STARD9: variants seen among roughly 807,000 people sequenced by gnomAD.
STARD9 encodes StAR related lipid transfer domain containing 9, also known as stAR-related lipid transfer protein 9.
Under a neutral mutation model 399.8 loss-of-function variants are expected in STARD9, and 346 were observed. That is an observed-to-expected ratio of 0.87 (90% CI 0.79 to 0.95). The LOEUF is 0.95. Ranked by LOEUF, STARD9 falls within the 40% of genes least tolerant of loss-of-function variation. The probability of loss-of-function intolerance (pLI) is 0.00; values close to 1 mark genes in which losing one functional copy is unlikely to be tolerated. For synonymous variants in STARD9, 2,203 were observed against 2,143.5 expected (o/e 1.03, Z -0.77); for missense variants, 5,832 against 5,667.5 (o/e 1.03, Z -0.93).
chr15:42,683,685 G>A lies in STARD9; in HGVS notation c.2538-431G>A, dbSNP rs1380574227. ...TAGGATTTACACACTGCATTTGTTT[G>A]TTGTTTCTCAGGTTTCTTTTAATCA... On this transcript the variant is annotated intron_variant, in intron 22 of 32. Coordinates refer to ENST00000290607, the MANE Select transcript of STARD9 (RefSeq NM_020759.3). 2.0e-5 allele frequency among the ~76,000 whole-genome samples: 3 copies of A among 152,016 alleles called. No individual in the cohort carries two copies. In the East Asian group the frequency reaches 5.8e-4, roughly 29 times the overall value.
At chr15:42,656,367 AGAT>A (rs1398116227) in intron 9 of STARD9, among the ~76,000 whole-genome samples, 1 of 141,740 alleles carries the variant, frequency 7.1e-6, no homozygotes, top group Non-Finnish European at 1.5e-5. Context: ...AAAAAAAAAA[AGAT>A]GTTGCCGTGG....
In STARD9 at chr15:42,702,362, C is replaced by T. The variant is rs563277362; in HGVS notation, c.13284+6482C>T. Among the ~76,000 whole-genome samples the T allele has an allele frequency of 2.0e-5, 3 of 152,146 alleles. No homozygotes were observed. The South Asian group carries it at 6.2e-4, about 32-fold the overall frequency. On this transcript the variant is annotated intron_variant, in intron 26 of 32. Transcript: ENST00000290607. ...GGGATTACAGGCGCGCACCACCATG[C>T]CTGGCTAATTTTTGTATTTTTAGTA... is the stretch of plus-strand genomic sequence containing the variant.
rs2060426307 is a variant in STARD9 at position 42,681,474 on chromosome 15, G to A, written c.1927G>A (p.Glu643Lys). The change falls in exon 21 of 33, where the codon GAG becomes AAG. Residue 643 changes from glutamate to lysine, a missense_variant. Transcript: ENST00000290607. Reference sequence around the variant, plus strand: ...GGACCATCAGACACCGAGGGATGGAGAGACATCCCACAGGGCCCAGATTCA... The same window carrying A: ...GGACCATCAGACACCGAGGGATGGAAAGACATCCCACAGGGCCCAGATTCA... ...DEDHQTPRDG[E>K]TSHRAQIQQQ... The A allele has an allele frequency of 6.5e-7, 1 of 1,537,104 alleles. No individual in the cohort carries two copies. Among genetic ancestry groups the A allele is most frequent in the Admixed American group, 2.0e-5 (1 of 50,978 alleles).
intron 9 of STARD9, among the ~76,000 whole-genome samples, chr15:42,655,174 C>T (rs887941201): frequency 9.2e-5 from 14 of 151,994 alleles, no homozygotes; most frequent in Admixed American, 6.6e-4. Context: ...CCCAGCTATT[C>T]GGGAGGCTGA....
chr15:42,683,832 T>A (rs1269159230), intron 22 of STARD9, among the ~76,000 whole-genome samples: 1 of 152,148 alleles, frequency 6.6e-6, no homozygotes, highest in South Asian at 2.1e-4. Context: ...TTTAAATTGT[T>A]CCTCTATTCC....
At position 42,664,824 on chromosome 15, in the gene STARD9, A is replaced by C. The variant is rs529923027; in HGVS notation, c.1177-429A>C. 1.2e-3 allele frequency among the ~76,000 whole-genome samples: 177 copies of C among 144,682 alleles called. 2 individuals carry two copies. The highest frequency in any genetic ancestry group is 2.9e-3 in the South Asian group (13 of 4,474). 94.9% of individuals were successfully genotyped at this position (144,682 alleles called of 152,430 possible). A position where few individuals can be genotyped will look rare whatever the true frequency, so the allele number is the denominator to read the frequency against. On this transcript the variant is annotated intron_variant, in intron 13 of 32. Coordinates refer to ENST00000290607, the MANE Select transcript of STARD9 (RefSeq NM_020759.3). ...CACACACACACACACACACACACAC[A>C]CCCCATACGTACACTGTTTTAAAAA...
At chr15:42,575,803 G>C in intron 1 of STARD9, 41 bp downstream of exon 1, 1 of 1,530,960 alleles carries the variant, frequency 6.5e-7, no homozygotes, top group Non-Finnish European at 8.8e-7. Context: ...CTTCACAGGA[G>C]CTGAAAAGAG....
chr15:42,711,397 T>C (rs1475820447), intron 26 of STARD9, among the ~76,000 whole-genome samples: 1 of 152,206 alleles, frequency 6.6e-6, no homozygotes, highest in Non-Finnish European at 1.5e-5. Flanking sequence ...CGCTTCAGCC[T>C]CCCAAAGTGC....
rs985775073 is a variant in STARD9 at position 42,585,557 on chromosome 15, G to C, written c.154G>C (p.Glu52Gln). 3 of 1,537,086 alleles carry C rather than the reference G, an allele frequency of 2.0e-6. No individual in the cohort carries two copies. Among genetic ancestry groups the C allele is most frequent in the African/African-American group, 1.4e-5 (1 of 73,044 alleles). Residue 52 changes from glutamate to glutamine, a missense_variant, in exon 3 of 33, where the codon GAG (glutamate) becomes CAG (glutamine). Around this residue, in one of 2 missense-constraint regions of STARD9, gnomAD observed 5,828 missense variants for 5,651.1 expected, o/e 1.03. Transcript: ENST00000290607. ...ACCAGATGGCTTTGGGGACTCCCGG[G>C]AGAAGGTTATGGCATTTGGCTTTGA... Reference protein sequence around the residue: ...NRPDGFGDSREKVMAFGFDYC... With the variant: ...NRPDGFGDSRQKVMAFGFDYC...
intron 16 of STARD9, chr15:42,671,126 A>ATTTTTTTTT (rs34261486): frequency 2.1e-5 from 2 of 96,046 alleles, no homozygotes; most frequent in Non-Finnish European, 3.8e-5. Context: ...AGGATTGCTG[A>ATTTTTTTTT]TTTTTTTTTT....
Position 42,645,139 on chromosome 15 carries a change from C to T in STARD9, c.560-5877C>T, listed in dbSNP as rs569941620. 4.3e-4 allele frequency among the ~76,000 whole-genome samples: 65 copies of T among 152,318 alleles called. 1 individual carries two copies. In the South Asian group the frequency reaches 7.2e-3, roughly 17 times the overall value. ...CCCCTCAATGTTGATATTTTGAGCT[C>T]CTCTCATGAGTCATGAATGTCCTTA... On this transcript the variant is annotated intron_variant, in intron 7 of 32. Coordinates refer to ENST00000290607, the MANE Select transcript of STARD9 (RefSeq NM_020759.3).
chr15:42,717,270 A>G (rs2061367892), intron 28 of STARD9, among the ~76,000 whole-genome samples: 1 of 152,078 alleles, frequency 6.6e-6, no homozygotes, highest in South Asian at 2.1e-4. Flanking sequence ...GGATCACTTG[A>G]GGTCAGGAGT....
chr15:42,655,142 C>T (rs1225331879), intron 9 of STARD9, among the ~76,000 whole-genome samples: 1 of 152,068 alleles, frequency 6.6e-6, no homozygotes, highest in Admixed American at 6.6e-5. Flanking sequence ...ATTAGCTGGG[C>T]GTGATGGCAG....
intron 3 of STARD9, among the ~76,000 whole-genome samples, chr15:42,600,180 A>C (rs910650537): frequency 6.6e-6 from 1 of 152,198 alleles, no homozygotes; most frequent in Non-Finnish European, 1.5e-5. Context: ...GATGAAGACC[A>C]AACGGTTTCT....
At position 42,693,447 on chromosome 15, in the gene STARD9, G is replaced by A. The variant is rs949530707; in HGVS notation, c.11869G>A (p.Glu3957Lys). 3.3e-6 allele frequency: 5 copies of A among 1,537,114 alleles called. No homozygotes were observed. The highest frequency in any genetic ancestry group is 2.0e-5 in the Admixed American group (1 of 50,986). The part of the protein sequence containing the change: ...PMDNYSQTTD[E>K]LGGSQRGRSS... The stretch of plus-strand genomic sequence containing the variant: ...GGATAATTATTCCCAAACCACTGAC[G>A]AGTTAGGTGGCTCCCAGAGAGGTAG... Residue 3957 changes from glutamate (E) to lysine (K), a missense_variant, in exon 23 of 33, where the codon GAG becomes AAG. By Grantham distance (56) the Glu-to-Lys change is moderately conservative. Around this residue, in one of 2 missense-constraint regions of STARD9, gnomAD observed 5,828 missense variants for 5,651.1 expected, o/e 1.03. Transcript: ENST00000290607.
At position 42,684,693 on chromosome 15, in the gene STARD9, A is replaced by G; in HGVS notation, c.3115A>G (p.Arg1039Gly). ...AGAATACAAACCACCTTCTCCAAGC[A>G]GGGCATCAAAAAGGCATCAGAGGGT... ...WTEYKPPSPS[R>G]ASKRHQRVLA... The change falls in exon 23 of 33, where the codon AGG (arginine) becomes GGG (glycine). Residue 1039 changes from arginine (R) to glycine (G), a missense_variant. This residue lies in a region of STARD9 where 5,828 missense variants were observed against 5,651.1 expected (regional missense o/e 1.03). Coordinates refer to ENST00000290607, the MANE Select transcript of STARD9 (RefSeq NM_020759.3). 6.5e-7 allele frequency: 1 copy of G among 1,537,164 alleles called. No homozygotes were observed. Among genetic ancestry groups the G allele is most frequent in the Non-Finnish European group, 8.7e-7 (1 of 1,146,894 alleles).
chr15:42,601,533 G>T (rs1012925078), intron 3 of STARD9, among the ~76,000 whole-genome samples: 1 of 147,578 alleles, frequency 6.8e-6, no homozygotes, highest in African/African-American at 2.6e-5. Flanking sequence ...CCGGGCGGGG[G>T]CTGCCCCCCA....
At chr15:42,655,655 A>G (rs1405521164) in intron 9 of STARD9, among the ~76,000 whole-genome samples, 2 of 152,256 alleles carry the variant, frequency 1.3e-5, no homozygotes, top group Admixed American at 1.3e-4. Flanking sequence ...CATTGGAAAA[A>G]TCCTTCTAGA....
rs576934729 is a variant in STARD9, at chr15:42,652,887, A to G, written c.702+295A>G. ...AAGACGGGGTTTCACCATGTTGGCC[A>G]GACTGGTCTCAAACTCCTGACCTCA... On this transcript the variant is annotated intron_variant, in intron 9 of 32. Coordinates refer to ENST00000290607, the MANE Select transcript of STARD9 (RefSeq NM_020759.3). Among the ~76,000 whole-genome samples the G allele has an allele frequency of 2.6e-5, 4 of 152,294 alleles. No individual in the cohort carries two copies. In the South Asian group the frequency reaches 8.3e-4, roughly 32 times the overall value.
Sources: gnomAD v4.1 joint callset for allele counts (sites outside exome capture counted in the v4.1 genomes callset) on GRCh38, gnomAD v4.1.1 for gene constraint, gnomAD v4.1.1 regional missense constraint, MANE v1.5 for transcripts, NCBI Gene and HGNC (gene_info 2026-07-23, HGNC 2026-07-21) for gene names.